STARD13: variants seen among roughly 807,000 people sequenced by gnomAD.
STARD13 encodes stAR-related lipid transfer protein 13.
A neutral mutation model predicts 106.4 loss-of-function variants in STARD13; 62 were observed. That is an observed-to-expected ratio of 0.58 (90% CI 0.48 to 0.72). The LOEUF is 0.72. Ranked by LOEUF, STARD13 falls within the 30% of genes least tolerant of loss-of-function variation. The probability of loss-of-function intolerance (pLI) is 0.00; values close to 1 mark genes in which losing one functional copy is unlikely to be tolerated. For missense variants in STARD13, 1,387 were observed against 1,424.0 expected, an observed-to-expected ratio of 0.97 and a Z score of 0.42; for synonymous variants, 565 against 553.0, an observed-to-expected ratio of 1.02 and a Z score of -0.31.
chr13:33,322,247 G>T (rs1893588540), intron 1 of STARD13, among the ~76,000 whole-genome samples: 2 of 152,082 alleles, frequency 1.3e-5, no homozygotes, highest in Admixed American at 1.3e-4. Flanking sequence ...AACAAGAATG[G>T]CTTGGATGTC....
chr13:33,196,448 A>G (rs1473153214), intron 1 of STARD13, among the ~76,000 whole-genome samples: 1 of 152,246 alleles, frequency 6.6e-6, no homozygotes, highest in Admixed American at 6.5e-5. Flanking sequence ...TTATGCCAGT[A>G]TGCAATATCA....
intron 7 of STARD13, among the ~76,000 whole-genome samples, chr13:33,124,353 G>A (rs1258590153): frequency 1.3e-5 from 2 of 152,166 alleles, no homozygotes; most frequent in Non-Finnish European, 2.9e-5. Flanking sequence ...GATGTCCTAC[G>A]GATTCTCCCA....
At chr13:33,342,590 G>T (rs1173385896) in intron 1 of STARD13, among the ~76,000 whole-genome samples, 1 of 151,276 alleles carries the variant, frequency 6.6e-6, no homozygotes, top group Non-Finnish European at 1.5e-5. Context: ...AAGGGCAGTC[G>T]CATGATCATA....
At chr13:33,187,202 A>C (rs1284587963) in intron 1 of STARD13, among the ~76,000 whole-genome samples, 3 of 152,172 alleles carry the variant, frequency 2.0e-5, no homozygotes, top group African/African-American at 7.2e-5. Flanking sequence ...AGAATGACAG[A>C]GGGAGAGGGT....
the STARD13 span, among the ~76,000 whole-genome samples, chr13:33,545,980 AC>A: frequency 6.6e-6 from 1 of 152,098 alleles, no homozygotes; most frequent in African/African-American, 2.4e-5. Flanking sequence ...TTGTTAAATA[AC>A]CTTATTTTGT....
chr13:33,517,706 T>C, the STARD13 span, among the ~76,000 whole-genome samples: 980 of 152,268 alleles, frequency 6.4e-3, 9 homozygotes, highest in African/African-American at 0.021. Context: ...AAGGGAGCAA[T>C]GGGGCTGGAT....
chr13:33,138,672 G>T, intron 4 of STARD13: 1 of 297,598 alleles, frequency 3.4e-6, no homozygotes, highest in Non-Finnish European at 6.7e-6. Context: ...ATGGGCCGCT[G>T]GGAATGCCGC....
At chr13:33,578,084 C>A in the STARD13 span, among the ~76,000 whole-genome samples, 4 of 152,106 alleles carry the variant, frequency 2.6e-5, no homozygotes, top group African/African-American at 9.7e-5. Context: ...CTTCCCAAAG[C>A]AATCTACAGA....
At chr13:33,565,978 T>C in the STARD13 span, among the ~76,000 whole-genome samples, 2 of 148,774 alleles carry the variant, frequency 1.3e-5, 1 homozygote, top group South Asian at 4.3e-4. Flanking sequence ...ATCTGTAGTT[T>C]CACTTTCCAC....
rs78017807 is a variant in STARD13, at chr13:33,192,185, G to A, written c.170-24563C>T. ...CAAAAGAACATTTCTAGAGCTTCTT[G>A]CATTTTGTAGTTTGGAGATAAACAT... is the stretch of plus-strand genomic sequence containing the variant. On this transcript the variant is annotated intron_variant, in intron 1 of 13. Coordinates refer to ENST00000336934, the MANE Select transcript of STARD13 (RefSeq NM_178006.4). Among the ~76,000 whole-genome samples, 63 of 152,338 alleles carry A rather than the reference G, an allele frequency of 4.1e-4. 1 individual carries two copies. In the East Asian group the frequency reaches 0.012, roughly 29 times the overall value.
chr13:33,531,441 G>C, the STARD13 span, among the ~76,000 whole-genome samples: 2 of 152,162 alleles, frequency 1.3e-5, no homozygotes, highest in Non-Finnish European at 2.9e-5. Context: ...TCCTTAGCTA[G>C]TGGGTGCCTT....
At chr13:33,124,438 T>A (rs1047876268) in intron 7 of STARD13, among the ~76,000 whole-genome samples, 1 of 151,948 alleles carries the variant, frequency 6.6e-6, no homozygotes, top group Non-Finnish European at 1.5e-5. Flanking sequence ...TTGAAATGAG[T>A]CTTCTTCCTC....
At chr13:33,617,121 G>A in the STARD13 span, among the ~76,000 whole-genome samples, 4 of 152,256 alleles carry the variant, frequency 2.6e-5, no homozygotes, top group Non-Finnish European at 4.4e-5. Flanking sequence ...CTGGGTTTTT[G>A]TTTTGATTTG....
intron 1 of STARD13, among the ~76,000 whole-genome samples, chr13:33,204,384 T>C (rs558341779): frequency 5.9e-5 from 9 of 152,220 alleles, no homozygotes; most frequent in Non-Finnish European, 1.3e-4. Flanking sequence ...TGTCTACTGA[T>C]ATTTCCTTCC....
At chr13:33,180,435 G>T (rs1380945733) in intron 1 of STARD13, 1 of 152,162 alleles carries the variant, frequency 6.6e-6, no homozygotes, top group East Asian at 1.9e-4. Flanking sequence ...CAGGACCTTG[G>T]GAAAGAAATC....
the STARD13 span, among the ~76,000 whole-genome samples, chr13:33,419,399 A>G: frequency 6.6e-6 from 1 of 152,224 alleles, no homozygotes; most frequent in Non-Finnish European, 1.5e-5. Flanking sequence ...AAATAAAGGA[A>G]GAACACAAGT....
At chr13:33,237,651 T>C (rs1446207520) in intron 1 of STARD13, among the ~76,000 whole-genome samples, 9 of 152,174 alleles carry the variant, frequency 5.9e-5, no homozygotes, top group African/African-American at 1.7e-4. Context: ...GATTAAAAAC[T>C]TCCCATCTCC....
At chr13:33,301,187 T>C (rs1249732047) in intron 1 of STARD13, among the ~76,000 whole-genome samples, 5 of 152,212 alleles carry the variant, frequency 3.3e-5, no homozygotes, top group Non-Finnish European at 7.3e-5. Context: ...GCCTGGTACA[T>C]AGGAATGGAC....
At chr13:33,251,691 G>C (rs1330331005) in intron 1 of STARD13, among the ~76,000 whole-genome samples, 2 of 152,178 alleles carry the variant, frequency 1.3e-5, no homozygotes, top group African/African-American at 2.4e-5. Context: ...TGTCTAATTG[G>C]CTGTTTGTGT....
Sources: gnomAD v4.1 joint callset for allele counts (sites outside exome capture counted in the v4.1 genomes callset) on GRCh38, gnomAD v4.1.1 for gene constraint, MANE v1.5 for transcripts, NCBI Gene and HGNC (gene_info 2026-07-23, HGNC 2026-07-21) for gene names.